Variants in EMILIN3 observed in about 807,000 individuals in gnomAD.
The protein encoded by EMILIN3 is EMILIN-3.
A neutral mutation model predicts 42.8 loss-of-function variants in EMILIN3; 38 were observed. That is an observed-to-expected ratio of 0.89 (90% CI 0.69 to 1.16). The LOEUF is 1.16. Among genes scored for constraint, EMILIN3 ranks in the 50% most tolerant of loss-of-function variants. EMILIN3 has a pLI of 0.00. For synonymous variants in EMILIN3, 430 were observed against 440.5 expected, an observed-to-expected ratio of 0.98 and a Z score of 0.30; for missense variants, 924 against 999.5, an observed-to-expected ratio of 0.92 and a Z score of 1.02.
chr20:41,363,918 C>G, intron 2 of EMILIN3, 57 bp from the exon 3 acceptor site: 4 of 1,560,982 alleles, frequency 2.6e-6, no homozygotes, highest in Non-Finnish European at 2.6e-6. Flanking sequence ...TGCTTCTCCC[C>G]CTAGCTGGCA....
chr20:41,363,580 C>T (rs2046378663), intron 3 of EMILIN3, 58 bp downstream of exon 3: 1 of 1,506,886 alleles, frequency 6.6e-7, no homozygotes, highest in Non-Finnish European at 9.0e-7. Context: ...CCTCCCTGCC[C>T]CTGCCACTGA....
At position 41,362,659 on chromosome 20, in the gene EMILIN3, C is replaced by A. The variant is rs371234077; in HGVS notation, c.910G>T (p.Val304Leu). 3.0e-5 allele frequency: 49 copies of A among 1,610,372 alleles called. No individual in the cohort carries two copies. The highest frequency in any genetic ancestry group is 4.1e-5 in the Non-Finnish European group (48 of 1,179,908). The change falls in exon 4 of 4, where the codon GTG becomes TTG. Residue 304 changes from valine to leucine, a missense_variant. By Grantham distance (32) the Val-to-Leu change is conservative. Coordinates refer to ENST00000332312, the MANE Select transcript of EMILIN3 (RefSeq NM_052846.2). ...CAGAGTCGGTGCAGCCGTCGGTCCACGTACTCCTCCAGCAGGGCCAGGGAG... is the reference window on the plus strand; with the variant it reads ...CAGAGTCGGTGCAGCCGTCGGTCCAAGTACTCCTCCAGCAGGGCCAGGGAG... ...LTSLALLEEY[V>L]DRRLHRLWGS...
In EMILIN3 at chr20:41,365,069, A is replaced by C; in HGVS notation, c.256T>G (p.Cys86Gly). ...ESYVKAEYRQ[C>G]RWGPKCPGTV... ...CCGGGGCACTTGGGCCCCCATCTAC[A>C]CTGCCGGTATTCAGCCTTTACGTAG... Residue 86 changes from cysteine to glycine, a missense_variant, in exon 2 of 4, where the codon TGT becomes GGT. Physicochemically the swap from Cys to Gly is radical, Grantham distance 159. Transcript: ENST00000332312. 6.2e-7 allele frequency: 1 copy of C among 1,613,910 alleles called. No individual in the cohort carries two copies. Among genetic ancestry groups the C allele is most frequent in the Non-Finnish European group, 8.5e-7 (1 of 1,179,922 alleles).
intron 1 of EMILIN3, among the ~76,000 whole-genome samples, chr20:41,365,423 G>A (rs2046388942): frequency 6.6e-6 from 1 of 152,020 alleles, no homozygotes; most frequent in Non-Finnish European, 1.5e-5. Flanking sequence ...TCCCTGCGTG[G>A]GGAAGAGGCC....
rs1303342391 is a variant in EMILIN3 at position 41,366,442 on chromosome 20, C to CCCGCCCG, written c.167+19_167+25dup. On this transcript the variant is annotated intron_variant, in intron 1 of 3. Coordinates refer to ENST00000332312, the MANE Select transcript of EMILIN3 (RefSeq NM_052846.2). The surrounding 1 kb of genome is among the most constrained non-coding windows in gnomAD (Gnocchi z 4.2). ...GCGCGCGGGCCCATCCCTCCCTCTT[C>CCCGCCCG]CCGCCCGCCGCCCGCCCGCGCTTAC... 7.2e-6 allele frequency: 8 copies of CCCGCCCG among 1,113,886 alleles called. No individual in the cohort carries two copies. The highest frequency in any genetic ancestry group is 4.8e-5 in the East Asian group (1 of 20,738). 69.0% of individuals were successfully genotyped at this position (1,113,886 alleles called of 1,614,324 possible).
chr20:41,361,137 C>G lies in EMILIN3; in HGVS notation c.*131G>C. On this transcript the variant is annotated 3_prime_UTR_variant, in exon 4 of 4. Transcript: ENST00000332312. ...GGCTGGGACAGCCACGTGGAGGATT[C>G]CCTCAGTGGCCTCCTTAGTGCCATT... 1.2e-6 allele frequency: 1 copy of G among 868,150 alleles called. No individual in the cohort carries two copies. The highest frequency in any genetic ancestry group is 1.7e-6 in the Non-Finnish European group (1 of 583,630). The allele number at this position is 868,150 out of a possible 1,614,324, so 53.8% of individuals were successfully genotyped here. A position where few individuals can be genotyped will look rare whatever the true frequency, so the allele number is the denominator to read the frequency against.
In EMILIN3 at chr20:41,361,476, C is replaced by T. The variant is rs202043805; in HGVS notation, c.2093G>A (p.Gly698Asp). The change falls in exon 4 of 4, where the codon GGT (glycine) becomes GAT (aspartate). Residue 698 changes from glycine (G) to aspartate (D), a missense_variant. Gly to Asp is a moderately conservative substitution (Grantham distance 94). Coordinates refer to ENST00000332312, the MANE Select transcript of EMILIN3 (RefSeq NM_052846.2). The part of the protein sequence containing the change: ...HFDQRVAQVE[G>D]ACRRLGLLAA... ...CAGCAGGCCCAGCCTCCTGCACGCA[C>T]CCTCCACTTGTGCCACCCGCTGGTC... 1.2e-5 allele frequency: 19 copies of T among 1,608,338 alleles called. No individual in the cohort carries two copies. The highest frequency in any genetic ancestry group is 1.6e-5 in the Non-Finnish European group (19 of 1,176,512).
Position 41,363,465 on chromosome 20 carries a change from T to C in EMILIN3, c.514+173A>G, listed in dbSNP as rs369597327. The stretch of plus-strand genomic sequence containing the variant: ...CCAGACTTTCTGTTCTAAGCCTACC[T>C]TCTCACTGGGCATAACTCCCTCAGC... On this transcript the variant is annotated intron_variant, in intron 3 of 3. Coordinates refer to ENST00000332312, the MANE Select transcript of EMILIN3 (RefSeq NM_052846.2). Among the ~76,000 whole-genome samples, 12 of 152,338 alleles carry C rather than the reference T, an allele frequency of 7.9e-5. No individual in the cohort carries two copies. The South Asian group carries it at 1.2e-3, about 16-fold the overall frequency.
In EMILIN3 at chr20:41,361,367, C is replaced by T. The variant is rs57558294; in HGVS notation, c.2202G>A (p.Thr734=). The change falls in exon 4 of 4, where the codon ACG becomes ACA. Residue 734 remains threonine, a synonymous_variant. Transcript: ENST00000332312. ...CAATGTCCTGCGTGTGCTGGGCCAG[C>T]GTACGATTCAGCTGGTCCACATGGC... ...LWSHVDQLNR[T]LAQHTQDIAR... 16,878 of 1,613,012 alleles carry T rather than the reference C, an allele frequency of 0.01. 1,582 individuals are homozygous for T. In the African/African-American group the frequency reaches 0.2, roughly 19 times the overall value.
Position 41,363,060 on chromosome 20 carries a change from A to T in EMILIN3, c.515-6T>A. ...CAGCCCTGGGCCTTTCCTTCCTGGG[A>T]AAGAGAAGAGAGCCCCAGGGGCATC... On this transcript the variant is annotated splice_polypyrimidine_tract_variant and splice_region_variant and intron_variant, in intron 3 of 3. Coordinates refer to ENST00000332312, the MANE Select transcript of EMILIN3 (RefSeq NM_052846.2). 1.3e-6 allele frequency: 2 copies of T among 1,552,990 alleles called. No individual in the cohort carries two copies. The highest frequency in any genetic ancestry group is 1.7e-6 in the Non-Finnish European group (2 of 1,144,456).
intron 3 of EMILIN3, among the ~76,000 whole-genome samples, chr20:41,363,400 C>T (rs1315188666): frequency 6.6e-6 from 1 of 152,222 alleles, no homozygotes; most frequent in Non-Finnish European, 1.5e-5. Context: ...CTCGGCCTCC[C>T]AAAGTGCTGG....
In EMILIN3 at chr20:41,363,856, C is replaced by T. The variant is rs202037759; in HGVS notation, c.296G>A (p.Arg99His). The change falls in exon 3 of 4, where the codon CGC (arginine) becomes CAC (histidine). Residue 99 changes from arginine (R) to histidine (H), a missense_variant. Coordinates refer to ENST00000332312, the MANE Select transcript of EMILIN3 (RefSeq NM_052846.2). ...CTTGTATTTGGGTCTGAGTACTGTG[C>T]GGTACCTGGGCCAGGGAGGGCAAGA... ...GPKCPGTVTY[R>H]TVLRPKYKVG... 27 of 1,612,966 alleles carry T rather than the reference C, an allele frequency of 1.7e-5. No individual in the cohort carries two copies. Among genetic ancestry groups the T allele is most frequent in the Non-Finnish European group, 2.2e-5 (26 of 1,179,228 alleles).
Position 41,362,413 on chromosome 20 carries a change from C to A in EMILIN3, c.1156G>T (p.Gly386Trp), listed in dbSNP as rs1285660130. 6.2e-7 allele frequency: 1 copy of A among 1,601,994 alleles called. No homozygotes were observed. Among genetic ancestry groups the A allele is most frequent in the Non-Finnish European group, 8.5e-7 (1 of 1,179,944 alleles). The change falls in exon 4 of 4, where the codon GGG becomes TGG. Residue 386 changes from glycine (G) to tryptophan (W), a missense_variant. Physicochemically the swap from Gly to Trp is radical, Grantham distance 184. Coordinates refer to ENST00000332312, the MANE Select transcript of EMILIN3 (RefSeq NM_052846.2). ...CGGGCATTGATCAAGGCTAGTTGCC[C>A]ACAGCAGCTGCCCCTGCCAGACACG... is the stretch of plus-strand genomic sequence containing the variant. The part of the protein sequence containing the change: ...LSVSGRGSCC[G>W]QLALINARMD...
Position 41,366,465 on chromosome 20 carries a change from T to G in EMILIN3, c.167+3A>C. On this transcript the variant is annotated splice_donor_region_variant and intron_variant, in intron 1 of 3. Coordinates refer to ENST00000332312, the MANE Select transcript of EMILIN3 (RefSeq NM_052846.2). The surrounding 1 kb of genome is among the most constrained non-coding windows in gnomAD (Gnocchi z 4.2). ...TTCCCGCCCGCCGCCCGCCCGCGCT[T>G]ACTTGTGCGGCCCCGGGCGCAGCCG... 1 of 1,121,134 alleles carries G rather than the reference T, an allele frequency of 8.9e-7. No individual in the cohort carries two copies. The highest frequency in any genetic ancestry group is 1.1e-6 in the Non-Finnish European group (1 of 918,040). 69.4% of individuals were successfully genotyped at this position (1,121,134 alleles called of 1,614,324 possible). A position where few individuals can be genotyped will look rare whatever the true frequency, so the allele number is the denominator to read the frequency against.
Position 41,366,508 on chromosome 20 carries a change from T to C in EMILIN3, c.127A>G (p.Thr43Ala). ...CGCAGCCGCGGGCGCCATCCCGTCG[T>C]GTAGAGACTGTAGCGGGAGGCACCG... Reference protein sequence around the residue: ...PPGASRYSLYTTGWRPRLRPG... With the variant: ...PPGASRYSLYATGWRPRLRPG... Residue 43 changes from threonine to alanine, a missense_variant, in exon 1 of 4, where the codon ACG (threonine) becomes GCG (alanine). By Grantham distance (58) the Thr-to-Ala change is moderately conservative. Coordinates refer to ENST00000332312, the MANE Select transcript of EMILIN3 (RefSeq NM_052846.2). This position sits in a 1 kb window ranked among gnomAD's most constrained non-coding sequence, Gnocchi z 4.2. 1 of 1,160,676 alleles carries C rather than the reference T, an allele frequency of 8.6e-7. No homozygotes were observed. Among genetic ancestry groups the C allele is most frequent in the Non-Finnish European group, 1.1e-6 (1 of 944,194 alleles). 71.9% of individuals were successfully genotyped at this position (1,160,676 alleles called of 1,614,324 possible). A position where few individuals can be genotyped will look rare whatever the true frequency, so the allele number is the denominator to read the frequency against.
rs1319259606 is a variant in EMILIN3, at chr20:41,363,038, C to T, written c.531G>A (p.Gly177=). 6.3e-7 allele frequency: 1 copy of T among 1,580,738 alleles called. No individual in the cohort carries two copies. Residue 177 remains glycine (G), a synonymous_variant, in exon 4 of 4, where the codon GGG becomes GGA. Transcript: ENST00000332312. ...GGCGTTCCAGCCGCTCACCAAACAG[C>T]CCTGGGCCTTTCCTTCCTGGGAAAG... is the stretch of plus-strand genomic sequence containing the variant. ...APSPHGRKGP[G]LFGERLERLE...
At chr20:41,365,883 G>A (rs1259555530) in intron 1 of EMILIN3, among the ~76,000 whole-genome samples, 1 of 152,212 alleles carries the variant, frequency 6.6e-6, no homozygotes, top group African/African-American at 2.4e-5. Context: ...CAAGGGCTGA[G>A]GAGGTGGCTG....
rs745810312 is a variant in EMILIN3, at chr20:41,361,871, G to A, written c.1698C>T (p.Ala566=). The A allele has an allele frequency of 1.3e-4, 207 of 1,613,398 alleles. No individual in the cohort carries two copies. The highest frequency in any genetic ancestry group is 1.6e-4 in the Middle Eastern group (1 of 6,082). ...ALLQQLNGTV[A]EVQGQLAEGT... is the part of the protein sequence containing the mutation. ...CTTCTGCCAGCTGTCCCTGGACCTCGGCCACAGTGCCATTGAGCTGCTGGA... is the reference window on the plus strand; with the variant it reads ...CTTCTGCCAGCTGTCCCTGGACCTCAGCCACAGTGCCATTGAGCTGCTGGA... Residue 566 remains alanine (A), a synonymous_variant, in exon 4 of 4, where the codon GCC becomes GCT. Coordinates refer to ENST00000332312, the MANE Select transcript of EMILIN3 (RefSeq NM_052846.2).
At position 41,362,609 on chromosome 20, in the gene EMILIN3, C is replaced by G; in HGVS notation, c.960G>C (p.Glu320Asp). Residue 320 changes from glutamate (E) to aspartate (D), a missense_variant, in exon 4 of 4, where the codon GAG (glutamate) becomes GAC (aspartate). Physicochemically the swap from Glu to Asp is conservative, Grantham distance 45. Transcript: ENST00000332312. ...RLWGSLLDGF[E>D]QKLQGVQSEC... ...CACTCTGGACGCCTTGCAGCTTCTGCTCAAAGCCATCCAGCAGGCTCCCCC... is the reference window on the plus strand; with the variant it reads ...CACTCTGGACGCCTTGCAGCTTCTGGTCAAAGCCATCCAGCAGGCTCCCCC... The G allele has an allele frequency of 6.2e-7, 1 of 1,603,462 alleles. No homozygotes were observed. The highest frequency in any genetic ancestry group is 8.5e-7 in the Non-Finnish European group (1 of 1,179,582).
Sources: allele counts gnomAD v4.1 joint callset (sites outside exome capture counted in the v4.1 genomes callset), GRCh38; gene constraint gnomAD v4.1.1; non-coding constraint Gnocchi (gnomAD v3.1); transcripts MANE v1.5; gene names NCBI Gene and HGNC (gene_info 2026-07-23, HGNC 2026-07-21).